Variants in NKAIN2 observed in about 807,000 individuals in gnomAD.
NKAIN2 encodes sodium/potassium-transporting ATPase subunit beta-1-interacting protein 2.
In NKAIN2, 14 loss-of-function variants were observed where a neutral mutation model predicts 32.6. That is an observed-to-expected ratio of 0.43 (90% CI 0.28 to 0.67). The LOEUF is 0.67. Among genes scored for constraint, NKAIN2 ranks in the 30% least tolerant of loss-of-function variants. NKAIN2 has a pLI of 0.17. For synonymous variants in NKAIN2, 80 were observed against 87.2 expected, an observed-to-expected ratio of 0.92 and a Z score of 0.46; for missense variants, 198 against 258.3, an observed-to-expected ratio of 0.77 and a Z score of 1.60.
At chr6:124,464,870 A>C (rs1331158358) in intron 3 of NKAIN2, among the ~76,000 whole-genome samples, 1 of 152,076 alleles carries the variant, frequency 6.6e-6, no homozygotes, top group Non-Finnish European at 1.5e-5. Flanking sequence ...TTCCATATGA[A>C]ATTTAAAGTA....
intron 3 of NKAIN2, among the ~76,000 whole-genome samples, chr6:124,562,400 G>C (rs1213506710): frequency 6.6e-6 from 1 of 152,070 alleles, no homozygotes; most frequent in Non-Finnish European, 1.5e-5. Context: ...TTTTCCTGTG[G>C]TTTAGTTTAT....
chr6:124,326,719 G>A (rs1275936848), intron 2 of NKAIN2, among the ~76,000 whole-genome samples: 1 of 152,048 alleles, frequency 6.6e-6, no homozygotes, highest in Non-Finnish European at 1.5e-5. Context: ...AGATAGACTT[G>A]CCAGATAAAA....
intron 1 of NKAIN2, among the ~76,000 whole-genome samples, chr6:124,036,143 G>A (rs1034758456): frequency 5.9e-5 from 9 of 151,944 alleles, no homozygotes; most frequent in Non-Finnish European, 1.2e-4. Flanking sequence ...TTTCATAGCC[G>A]CAAAACCCAC....
chr6:124,727,085 T>G (rs1392915507), intron 4 of NKAIN2, among the ~76,000 whole-genome samples: 4 of 152,112 alleles, frequency 2.6e-5, no homozygotes, highest in Non-Finnish European at 5.9e-5. Flanking sequence ...GTCTGATTGG[T>G]GTACCTGAAA....
In NKAIN2 at chr6:124,021,057, A is replaced by G. The variant is rs936253479; in HGVS notation, c.54+216803A>G. Among the ~76,000 whole-genome samples, 14 of 152,244 alleles carry G rather than the reference A, an allele frequency of 9.2e-5. No individual in the cohort carries two copies. In the East Asian group the frequency reaches 2.7e-3, roughly 29 times the overall value. ...AAATATTTACTGAACACTTTACTGT[A>G]AGTAAAATTGAGTAAAAGCACAATT... On this transcript the variant is annotated intron_variant, in intron 1 of 6. Coordinates refer to ENST00000368417, the MANE Select transcript of NKAIN2 (RefSeq NM_001040214.3).
At chr6:124,439,427 T>C (rs2114590767) in intron 3 of NKAIN2, among the ~76,000 whole-genome samples, 1 of 151,992 alleles carries the variant, frequency 6.6e-6, no homozygotes, top group South Asian at 2.1e-4. Flanking sequence ...GGCCTGCTCA[T>C]GAGGTTACAT....
intron 1 of NKAIN2, among the ~76,000 whole-genome samples, chr6:124,070,946 T>C (rs1326608718): frequency 1.3e-5 from 2 of 152,160 alleles, no homozygotes; most frequent in Non-Finnish European, 2.9e-5. Flanking sequence ...AGTGAATGCA[T>C]TGTATAAAGA....
At chr6:124,638,827 G>A (rs1248308607) in intron 3 of NKAIN2, among the ~76,000 whole-genome samples, 3 of 138,626 alleles carry the variant, frequency 2.2e-5, no homozygotes, top group Non-Finnish European at 4.6e-5. Context: ...GGAGGTGGAT[G>A]TTGCAGTGAG....
intron 1 of NKAIN2, among the ~76,000 whole-genome samples, chr6:123,928,635 G>T (rs1035041613): frequency 1.3e-4 from 20 of 152,090 alleles, no homozygotes; most frequent in Non-Finnish European, 5.9e-5. Flanking sequence ...CCTCTTTAAA[G>T]ATCTAAGAAT....
intron 3 of NKAIN2, among the ~76,000 whole-genome samples, chr6:124,485,142 A>G (rs551092358): frequency 2.0e-5 from 3 of 152,274 alleles, no homozygotes; most frequent in Non-Finnish European, 4.4e-5. Context: ...TATTTCCTAC[A>G]TCGGTAATCC....
At chr6:124,006,575 T>C (rs1780084097) in intron 1 of NKAIN2, among the ~76,000 whole-genome samples, 1 of 152,226 alleles carries the variant, frequency 6.6e-6, no homozygotes, top group African/African-American at 2.4e-5. Flanking sequence ...GACATCAAAC[T>C]GTCTTTCTCC....
chr6:124,437,473 C>CT (rs886936812), intron 3 of NKAIN2, among the ~76,000 whole-genome samples: 7 of 152,236 alleles, frequency 4.6e-5, no homozygotes, highest in South Asian at 2.1e-4. Context: ...TTCTTTTGCT[C>CT]TTTTTTTACT....
intron 3 of NKAIN2, among the ~76,000 whole-genome samples, chr6:124,621,620 G>A (rs1229821434): frequency 1.3e-5 from 2 of 152,164 alleles, no homozygotes; most frequent in Non-Finnish European, 2.9e-5. Context: ...TGATCCCTGA[G>A]CTGGGCTGAA....
At chr6:124,475,409 G>T (rs1397340780) in intron 3 of NKAIN2, among the ~76,000 whole-genome samples, 2 of 152,052 alleles carry the variant, frequency 1.3e-5, no homozygotes, top group African/African-American at 2.4e-5. Flanking sequence ...AAGCAAGATG[G>T]TTAAGCTTGA....
chr6:124,490,412 GTT>G (rs3052658), intron 3 of NKAIN2: 812 of 311,874 alleles, frequency 2.6e-3, no homozygotes, highest in Middle Eastern at 5.9e-3. Flanking sequence ...AATCATAGAG[GTT>G]TTTTTTTTTT....
intron 3 of NKAIN2, among the ~76,000 whole-genome samples, chr6:124,395,486 A>G (rs963645906): frequency 5.9e-5 from 9 of 152,212 alleles, no homozygotes; most frequent in Non-Finnish European, 1.0e-4. Flanking sequence ...TGGTAAACAC[A>G]TAATGTTGCA....
chr6:124,673,869 C>T (rs140545411), intron 4 of NKAIN2, among the ~76,000 whole-genome samples: 3 of 151,918 alleles, frequency 2.0e-5, no homozygotes, highest in South Asian at 4.1e-4. Flanking sequence ...CTTTGCTGTG[C>T]AGAAACTTTT....
chr6:124,253,792 C>T (rs1793794857), intron 1 of NKAIN2, among the ~76,000 whole-genome samples: 1 of 148,724 alleles, frequency 6.7e-6, no homozygotes, highest in Non-Finnish European at 1.5e-5. Context: ...TTTGTATCAT[C>T]TTCTCTATAA....
chr6:124,622,286 AC>A (rs1783135021), intron 3 of NKAIN2, among the ~76,000 whole-genome samples: 1 of 152,074 alleles, frequency 6.6e-6, no homozygotes, highest in South Asian at 2.1e-4. Context: ...CTGGATGCAG[AC>A]CCTATGTGAA....
Sources: gnomAD v4.1 joint callset for allele counts (sites outside exome capture counted in the v4.1 genomes callset) on GRCh38, gnomAD v4.1.1 for gene constraint, MANE v1.5 for transcripts, NCBI Gene and HGNC (gene_info 2026-07-23, HGNC 2026-07-21) for gene names.